The following UBB variants were observed in gnomAD, a reference collection of about 807,000 sequenced individuals.
The protein encoded by UBB is ubiquitin B.
UBB carries 11 observed loss-of-function variants against 12.5 expected under a neutral mutation model. The ratio of observed to expected loss-of-function variants is 0.88; its 90% CI spans 0.55 to 1.45. The LOEUF is 1.45. Ranked by LOEUF, UBB falls within the 40% of genes most tolerant of loss-of-function variation. The pLI is 0.00. For missense variants in UBB, 76 were observed against 286.9 expected (o/e 0.26, Z 5.31); for synonymous variants, 168 against 120.1 (o/e 1.40, Z -2.61).
rs745589271 is a variant in UBB, at chr17:16,382,576, G to A, written c.669G>A (p.Leu223=). Residue 223 remains leucine (L), a synonymous_variant, in exon 2 of 2, where the codon CTG becomes CTA. Coordinates refer to ENST00000302182, the MANE Select transcript of UBB (RefSeq NM_018955.4). ...IQKESTLHLV[L]RLRGGC is the part of the protein sequence containing the mutation. Reference sequence around the variant, plus strand: ...AAGAGTCGACCCTGCACCTGGTCCTGCGCCTGAGGGGTGGCTGTTAATTCT... The same window carrying A: ...AAGAGTCGACCCTGCACCTGGTCCTACGCCTGAGGGGTGGCTGTTAATTCT... 2 of 1,613,958 alleles carry A rather than the reference G, an allele frequency of 1.2e-6. No homozygotes were observed. The highest frequency in any genetic ancestry group is 1.7e-6 in the Non-Finnish European group (2 of 1,179,888).
In UBB at chr17:16,381,857, AC is replaced by A. The variant is rs1310337890; in HGVS notation, c.-6-44del. ...AATATTAGGTGTAAAAGCAAGAAATACAATGATCCTGAGGTGACACGCTTAT... is the reference window on the plus strand; with the variant it reads ...AATATTAGGTGTAAAAGCAAGAAATAAATGATCCTGAGGTGACACGCTTAT... On this transcript the variant is annotated intron_variant, in intron 1 of 1. Transcript: ENST00000302182. 13 of 1,597,548 alleles carry A rather than the reference AC, an allele frequency of 8.1e-6. No individual in the cohort carries two copies. The African/African-American group carries it at 1.2e-4, about 15-fold the overall frequency.
At chr17:16,381,865 C>T (rs776172467) in intron 1 of UBB, 37 bp from the exon 2 acceptor site, 14 of 1,607,750 alleles carry the variant, frequency 8.7e-6, no homozygotes, top group Non-Finnish European at 1.2e-5. Flanking sequence ...ATACAATGAT[C>T]CTGAGGTGAC....
At position 16,382,645 on chromosome 17, in the gene UBB, A is replaced by T. The variant is rs369275749; in HGVS notation, c.*48A>T. The T allele has an allele frequency of 1.9e-6, 3 of 1,599,166 alleles. No individual in the cohort carries two copies. Among genetic ancestry groups the T allele is most frequent in the African/African-American group, 1.3e-5 (1 of 74,472 alleles). On this transcript the variant is annotated 3_prime_UTR_variant, in exon 2 of 2. Transcript: ENST00000302182. The stretch of plus-strand genomic sequence containing the variant: ...GTGCCCAGTGATGGCATTACTCTGC[A>T]CTATAGCCATTTGCCCCAACTTAAG...
chr17:16,381,674 C>T (rs2093275984), intron 1 of UBB: 5 of 620,198 alleles, frequency 8.1e-6, no homozygotes, highest in Admixed American at 3.1e-5. Flanking sequence ...AAGCTGTGGA[C>T]GCTTGGTAAG....
chr17:16,381,659 G>T, intron 1 of UBB: 1 of 577,840 alleles, frequency 1.7e-6, no homozygotes, highest in Non-Finnish European at 3.0e-6. Context: ...AACAGTTAGT[G>T]GGGAAAGCTG....
intron 1 of UBB, chr17:16,381,626 G>C (rs766652608): frequency 1.8e-5 from 9 of 497,676 alleles, no homozygotes; most frequent in Non-Finnish European, 3.2e-5. Flanking sequence ...TTGGAGTTCG[G>C]TCGGGGGAGT....
intron 1 of UBB, 29 bp downstream of exon 1, chr17:16,381,213 G>C (rs1019494297): frequency 2.6e-5 from 4 of 153,844 alleles, no homozygotes; most frequent in African/African-American, 4.9e-5. Context: ...AACGACCTTG[G>C]GGGGGTGTGA....
In UBB at chr17:16,382,306, T is replaced by G. The variant is rs571849529; in HGVS notation, c.399T>G (p.Ser133=). The G allele has an allele frequency of 3.7e-6, 6 of 1,603,112 alleles. No homozygotes were observed. In the African/African-American group the frequency reaches 7.1e-5, roughly 19 times the overall value. ...GKQLEDGRTL[S]DYNIQKESTL... is the part of the protein sequence containing the mutation. ...AGCTGGAAGATGGCCGCACTCTTTC[T>G]GACTACAACATCCAGAAGGAGTCGA... The change falls in exon 2 of 2, where the codon TCT becomes TCG. Residue 133 remains serine, a synonymous_variant. Coordinates refer to ENST00000302182, the MANE Select transcript of UBB (RefSeq NM_018955.4).
Position 16,382,258 on chromosome 17 carries a change from G to A in UBB, c.351G>A (p.Gln117=), listed in dbSNP as rs778836940. 14 of 1,609,684 alleles carry A rather than the reference G, an allele frequency of 8.7e-6. No homozygotes were observed. The highest frequency in any genetic ancestry group is 1.1e-5 in the Non-Finnish European group (13 of 1,179,274). Residue 117 remains glutamine, a synonymous_variant, in exon 2 of 2, where the codon CAG becomes CAA. Coordinates refer to ENST00000302182, the MANE Select transcript of UBB (RefSeq NM_018955.4). ...AAGAAGGCATCCCTCCCGACCAGCA[G>A]AGGCTCATCTTTGCAGGCAAGCAGC... ...QDKEGIPPDQ[Q]RLIFAGKQLE...
At chr17:16,381,680 G>T in intron 1 of UBB, 2 of 645,436 alleles carry the variant, frequency 3.1e-6, no homozygotes, top group Non-Finnish European at 5.1e-6. Context: ...TGGACGCTTG[G>T]TAAGAGAGCG....
At chr17:16,381,659 G>A (rs1568883099) in intron 1 of UBB, 1 of 577,840 alleles carries the variant, frequency 1.7e-6, no homozygotes, top group East Asian at 3.2e-5. Flanking sequence ...AACAGTTAGT[G>A]GGGAAAGCTG....
rs554299668 is a variant in UBB, at chr17:16,382,345, C to T, written c.438C>T (p.Val146=). 2.4e-5 allele frequency: 38 copies of T among 1,603,534 alleles called. No individual in the cohort carries two copies. Among genetic ancestry groups the T allele is most frequent in the African/African-American group, 8.5e-5 (6 of 71,000 alleles). ...AGAAGGAGTCGACCCTGCACCTGGT[C>T]CTGCGTCTGAGAGGTGGTATGCAGA... ...NIQKESTLHL[V]LRLRGGMQIF... The change falls in exon 2 of 2, where the codon GTC becomes GTT. Residue 146 remains valine (V), a synonymous_variant. Transcript: ENST00000302182.
chr17:16,381,116 G>T lies in UBB; in HGVS notation c.-75G>T, dbSNP rs1220709147. 4 of 152,796 alleles carry T rather than the reference G, an allele frequency of 2.6e-5. No homozygotes were observed. Among genetic ancestry groups the T allele is most frequent in the East Asian group, 3.9e-4 (2 of 5,156 alleles). The allele number at this position is 152,796 out of a possible 1,614,324, so 9.5% of individuals were successfully genotyped here. A position where few individuals can be genotyped will look rare whatever the true frequency, so the allele number is the denominator to read the frequency against. On this transcript the variant is annotated 5_prime_UTR_variant, in exon 1 of 2. Coordinates refer to ENST00000302182, the MANE Select transcript of UBB (RefSeq NM_018955.4). The stretch of plus-strand genomic sequence containing the variant: ...ATTTAGGGGCGGTTGGCTTTGTTGG[G>T]TGAGCTTGTTTGTGTCCCTGTGGGT...
rs531829831 is a variant in UBB, at chr17:16,382,117, C to T, written c.210C>T (p.Val70=). 9.4e-6 allele frequency: 15 copies of T among 1,597,536 alleles called. No homozygotes were observed. In the African/African-American group the frequency reaches 2.0e-4, roughly 22 times the overall value. Residue 70 remains valine (V), a synonymous_variant, in exon 2 of 2, where the codon GTC becomes GTT. Coordinates refer to ENST00000302182, the MANE Select transcript of UBB (RefSeq NM_018955.4). The part of the protein sequence containing the change: ...NIQKESTLHL[V]LRLRGGMQIF... ...AGAAGGAGTCGACCCTGCACCTGGT[C>T]CTGCGTCTGAGAGGTGGTATGCAGA... is the stretch of plus-strand genomic sequence containing the variant.
intron 1 of UBB, 70 bp from the exon 2 acceptor site, chr17:16,381,832 A>G: frequency 6.5e-7 from 1 of 1,532,528 alleles, no homozygotes; most frequent in South Asian, 1.2e-5. Context: ...AATTTTGAAG[A>G]ATATTAGGTG....
chr17:16,381,693 C>G (rs1303270227), intron 1 of UBB: 1 of 695,608 alleles, frequency 1.4e-6, no homozygotes, highest in African/African-American at 1.8e-5. Flanking sequence ...AGAGAGCGCT[C>G]TGGATTTTCC....
chr17:16,381,712 C>A, intron 1 of UBB, 190 bp from the exon 2 acceptor site: 1 of 784,900 alleles, frequency 1.3e-6, no homozygotes, highest in Non-Finnish European at 2.0e-6. Flanking sequence ...CCGCTGTTGA[C>A]GTTGAAACCT....
At position 16,382,616 on chromosome 17, in the gene UBB, C is replaced by G; in HGVS notation, c.*19C>G. On this transcript the variant is annotated 3_prime_UTR_variant, in exon 2 of 2. Transcript: ENST00000302182. ...CTGTTAATTCTTCAGTCATGGCATT[C>G]GCAGTGCCCAGTGATGGCATTACTC... 6.2e-7 allele frequency: 1 copy of G among 1,613,392 alleles called. No homozygotes were observed. The highest frequency in any genetic ancestry group is 1.1e-5 in the South Asian group (1 of 91,022).
intron 1 of UBB, 161 bp downstream of exon 1, chr17:16,381,345 CTTG>C (rs958346753): frequency 4.8e-5 from 8 of 167,696 alleles, no homozygotes; most frequent in Admixed American, 1.7e-4. Flanking sequence ...GACAGTGGGC[CTTG>C]TTGACCTGAG....
Sources: gnomAD v4.1 joint callset for allele counts on GRCh38, gnomAD v4.1.1 for gene constraint, MANE v1.5 for transcripts, NCBI Gene and HGNC (gene_info 2026-07-23, HGNC 2026-07-21) for gene names.